Variants in FGF14 observed in about 807,000 individuals in gnomAD.
The protein encoded by FGF14 is fibroblast growth factor 14, also known as fibroblast growth factor homologous factor 4.
A neutral mutation model predicts 25.5 loss-of-function variants in FGF14; 5 were observed. The observed-to-expected ratio is 0.20, with a 90% CI of 0.10 to 0.41. FGF14 has a LOEUF of 0.41. Ranked by LOEUF, FGF14 falls within the 10% of genes least tolerant of loss-of-function variation. The pLI is 1.00. For synonymous variants in FGF14, 138 were observed against 118.3 expected, an observed-to-expected ratio of 1.17 and a Z score of -1.08; for missense variants, 222 against 320.1, an observed-to-expected ratio of 0.69 and a Z score of 2.34.
At chr13:102,033,009 G>T (rs568659065) in intron 1 of FGF14, among the ~76,000 whole-genome samples, 43 of 152,150 alleles carry the variant, frequency 2.8e-4, no homozygotes, top group African/African-American at 1.0e-3. Context: ...AACTTCACTT[G>T]ACCACAGCTG....
rs75276334 is a variant in FGF14 at position 102,088,175 on chromosome 13, A to G, written c.209-212879T>C. On this transcript the variant is annotated intron_variant, in intron 1 of 4. Coordinates refer to the FGF14 transcript ENST00000376131. ...GTTTCCTGTTCGGGTTCGTTTCTCT[A>G]TGATACACAATTGAGACATAGGTAC... Among the ~76,000 whole-genome samples, 702 of 152,302 alleles carry G rather than the reference A, an allele frequency of 4.6e-3. 8 individuals are homozygous for G. Among genetic ancestry groups the G allele is most frequent in the African/African-American group, 0.016 (652 of 41,570 alleles).
chr13:101,796,582 T>C (rs1386887920), intron 3 of FGF14, among the ~76,000 whole-genome samples: 1 of 151,908 alleles, frequency 6.6e-6, no homozygotes, highest in African/African-American at 2.4e-5. Context: ...TAAAGACAAA[T>C]ACGATCATGA....
chr13:101,898,235 A>C (rs2031001959), intron 1 of FGF14, among the ~76,000 whole-genome samples: 1 of 152,072 alleles, frequency 6.6e-6, no homozygotes, highest in South Asian at 2.1e-4. Context: ...CAGTAAGAAT[A>C]GTGCAAATAT....
At chr13:101,768,766 A>T (rs150952033) in intron 3 of FGF14, among the ~76,000 whole-genome samples, 240 of 152,318 alleles carry the variant, frequency 1.6e-3, no homozygotes, top group African/African-American at 5.5e-3. Flanking sequence ...GAACGTCCAC[A>T]TGCAAAACAT....
chr13:101,980,805 C>G (rs931076179), intron 1 of FGF14, among the ~76,000 whole-genome samples: 3 of 152,140 alleles, frequency 2.0e-5, no homozygotes, highest in African/African-American at 7.2e-5. Context: ...ACAAATCTAT[C>G]CAGGCCAGGT....
rs118034545 is a variant in FGF14 at position 101,751,837 on chromosome 13, T to C, written c.409-25027A>G. Among the ~76,000 whole-genome samples, 9 of 152,082 alleles carry C rather than the reference T, an allele frequency of 5.9e-5. No individual in the cohort carries two copies. In the East Asian group the frequency reaches 1.5e-3, roughly 26 times the overall value. ...TGCTCTAGTTCCTATTGGCTAAATATAGCATTCATGGGATTCCCTAATGTT... is the reference window on the plus strand; with the variant it reads ...TGCTCTAGTTCCTATTGGCTAAATACAGCATTCATGGGATTCCCTAATGTT... On this transcript the variant is annotated intron_variant, in intron 3 of 4. Transcript: ENST00000376143.
At chr13:101,734,020 CTGTGTGTGTGTGTGCA>C (rs1158194606) in intron 3 of FGF14, among the ~76,000 whole-genome samples, 1 of 150,108 alleles carries the variant, frequency 6.7e-6, no homozygotes, top group Non-Finnish European at 1.5e-5. Context: ...AAGGAGATGT[CTGTGTGTGTGTGTGCA>C]TGTGTGTGTG....
At chr13:101,858,987 G>A (rs1472890221) in intron 3 of FGF14, among the ~76,000 whole-genome samples, 4 of 152,030 alleles carry the variant, frequency 2.6e-5, no homozygotes, top group East Asian at 1.9e-4. Context: ...GAATGCAGCC[G>A]TTGAACATCT....
At position 101,713,187 on chromosome 13, in the gene FGF14, G is replaced by A. The variant is rs1239143625; in HGVS notation, c.*9644C>T. 6.6e-6 allele frequency: 1 copy of A among 152,142 alleles called. No individual in the cohort carries two copies. 9.4% of individuals were successfully genotyped at this position (152,142 alleles called of 1,614,324 possible). On this transcript the variant is annotated 3_prime_UTR_variant, in exon 5 of 5. Transcript: ENST00000376143. The stretch of plus-strand genomic sequence containing the variant: ...CTGAAATGCATATACCAGTTTCCCT[G>A]ATATGAAATATCACATAGTTGAGAC...
chr13:102,239,237 CA>C (rs1294190280), intron 1 of FGF14, among the ~76,000 whole-genome samples: 4 of 152,086 alleles, frequency 2.6e-5, no homozygotes, highest in Admixed American at 6.5e-5. Flanking sequence ...ATACTGTGGC[CA>C]AACTGGTTTT....
intron 1 of FGF14, among the ~76,000 whole-genome samples, chr13:101,999,231 A>C: frequency 6.6e-6 from 1 of 152,378 alleles, no homozygotes; most frequent in African/African-American, 2.4e-5. Context: ...TTAATAAGTG[A>C]TAAGAAACAC....
At chr13:101,777,732 C>T (rs770021299) in intron 3 of FGF14, among the ~76,000 whole-genome samples, 4 of 152,106 alleles carry the variant, frequency 2.6e-5, no homozygotes, top group East Asian at 1.9e-4. Flanking sequence ...AATGCCGAGG[C>T]GGGTGGATCA....
chr13:102,115,652 T>C (rs945437335), intron 1 of FGF14, among the ~76,000 whole-genome samples: 2 of 152,106 alleles, frequency 1.3e-5, no homozygotes, highest in Admixed American at 6.5e-5. Context: ...GACACAAAGA[T>C]AGAAACAGCA....
At chr13:101,906,580 T>C (rs2032272933) in intron 1 of FGF14, among the ~76,000 whole-genome samples, 1 of 152,138 alleles carries the variant, frequency 6.6e-6, no homozygotes, top group Non-Finnish European at 1.5e-5. Flanking sequence ...CATCCATCAT[T>C]GAAGAGTTTC....
intron 1 of FGF14, among the ~76,000 whole-genome samples, chr13:102,319,009 TGAG>T (rs2056141448): frequency 6.6e-6 from 1 of 152,136 alleles, no homozygotes; most frequent in Non-Finnish European, 1.5e-5. Flanking sequence ...TGAAGACTAT[TGAG>T]GAGAGAAGCC....
chr13:101,838,987 G>C (rs1426964496), intron 3 of FGF14, among the ~76,000 whole-genome samples: 1 of 152,002 alleles, frequency 6.6e-6, no homozygotes, highest in African/African-American at 2.4e-5. Flanking sequence ...TATTGACACA[G>C]ATGCCCAGAC....
chr13:102,235,196 G>A (rs1339627188), intron 1 of FGF14, among the ~76,000 whole-genome samples: 1 of 152,082 alleles, frequency 6.6e-6, no homozygotes, highest in African/African-American at 2.4e-5. Context: ...TATATTTTGG[G>A]ATCTATTTAT....
chr13:102,113,270 G>A (rs1056442547), intron 1 of FGF14, among the ~76,000 whole-genome samples: 3 of 152,134 alleles, frequency 2.0e-5, no homozygotes, highest in Non-Finnish European at 2.9e-5. Flanking sequence ...TGATTGATTT[G>A]GATTCTGTAT....
intron 3 of FGF14, among the ~76,000 whole-genome samples, chr13:101,792,190 T>C (rs1459927207): frequency 6.6e-6 from 1 of 151,488 alleles, no homozygotes; most frequent in Non-Finnish European, 1.5e-5. Flanking sequence ...TTGGCAAGAG[T>C]GGTATAAAGA....
Sources: allele counts gnomAD v4.1 joint callset (sites outside exome capture counted in the v4.1 genomes callset), GRCh38; gene constraint gnomAD v4.1.1; transcripts MANE v1.5; gene names NCBI Gene and HGNC (gene_info 2026-07-23, HGNC 2026-07-21).